Variants in RAB38 observed in about 807,000 individuals in gnomAD.
The protein encoded by RAB38 is RAB38, member RAS oncogene family, also known as ras-related protein Rab-38.
RAB38 carries 15 observed loss-of-function variants against 18.4 expected under a neutral mutation model. That is an observed-to-expected ratio of 0.82 (90% CI 0.55 to 1.26). RAB38 has a LOEUF of 1.26. RAB38 is among the 50% of genes most tolerant of loss of function. RAB38 has a pLI of 0.00. For synonymous variants in RAB38, 101 were observed against 104.4 expected, an observed-to-expected ratio of 0.97 and a Z score of 0.20; for missense variants, 294 against 267.4, an observed-to-expected ratio of 1.10 and a Z score of -0.69.
At chr11:87,937,847 T>G in the RAB38 span, among the ~76,000 whole-genome samples, 3 of 150,634 alleles carry the variant, frequency 2.0e-5, no homozygotes, top group Admixed American at 2.0e-4. Flanking sequence ...GTTTCAGGTA[T>G]GTTTGTAATT....
chr11:87,956,743 T>G, the RAB38 span, among the ~76,000 whole-genome samples: 1 of 152,076 alleles, frequency 6.6e-6, no homozygotes, highest in Non-Finnish European at 1.5e-5. Context: ...TTTTTTTTAA[T>G]CTACCTTAAC....
At chr11:87,816,154 C>T in the RAB38 span, 9 of 152,194 alleles carry the variant, frequency 5.9e-5, no homozygotes, top group Non-Finnish European at 1.3e-4. Flanking sequence ...ATATTTTGGT[C>T]ATTAGTGTTC....
At chr11:88,107,001 A>C in the RAB38 span, among the ~76,000 whole-genome samples, 2 of 152,088 alleles carry the variant, frequency 1.3e-5, no homozygotes, top group Non-Finnish European at 1.5e-5. Context: ...CACACTCTAA[A>C]ATTCCCTCCC....
the RAB38 span, among the ~76,000 whole-genome samples, chr11:87,932,054 T>C: frequency 2.0e-5 from 3 of 151,742 alleles, no homozygotes; most frequent in East Asian, 5.8e-4. Flanking sequence ...CAGTTCCAGG[T>C]CCCTAGGTTT....
At chr11:88,173,757 A>G (rs774827143) in intron 1 of RAB38, 8 of 985,194 alleles carry the variant, frequency 8.1e-6, no homozygotes, top group Non-Finnish European at 9.6e-6. Context: ...GGCTGATAAC[A>G]TTTTCTGTTC....
downstream of RAB38, among the ~76,000 whole-genome samples, chr11:88,108,251 C>T (rs1457719502): frequency 6.6e-6 from 1 of 151,966 alleles, no homozygotes; most frequent in Non-Finnish European, 1.5e-5. Flanking sequence ...TGTGTGGGAG[C>T]CTAAGTCTCT....
chr11:88,123,271 C>A (rs935359865), intron 2 of RAB38, among the ~76,000 whole-genome samples: 2 of 152,118 alleles, frequency 1.3e-5, no homozygotes, highest in Non-Finnish European at 2.9e-5. Flanking sequence ...AGTTTCATTG[C>A]CCCATCCTGG....
At chr11:87,939,593 C>T in the RAB38 span, among the ~76,000 whole-genome samples, 1 of 152,066 alleles carries the variant, frequency 6.6e-6, no homozygotes, top group Admixed American at 6.6e-5. Flanking sequence ...CATGGTGACT[C>T]ACGCCTGTAA....
chr11:88,021,597 T>C, the RAB38 span, among the ~76,000 whole-genome samples: 1 of 66,676 alleles, frequency 1.5e-5, no homozygotes, highest in Non-Finnish European at 3.1e-5. Context: ...TATTTATTTA[T>C]TTATTTATTT....
the RAB38 span, among the ~76,000 whole-genome samples, chr11:87,844,862 A>AT: frequency 6.6e-6 from 1 of 152,178 alleles, no homozygotes; most frequent in Non-Finnish European, 1.5e-5. Context: ...CTGAACTGAG[A>AT]TTTGAATCAC....
the RAB38 span, among the ~76,000 whole-genome samples, chr11:87,812,638 G>A: frequency 6.6e-6 from 1 of 152,168 alleles, no homozygotes; most frequent in Non-Finnish European, 1.5e-5. Flanking sequence ...TGACTCTTAA[G>A]CAGATTTACT....
At chr11:88,053,173 T>A in the RAB38 span, among the ~76,000 whole-genome samples, 1 of 114,828 alleles carries the variant, frequency 8.7e-6, no homozygotes, top group Non-Finnish European at 1.7e-5. Context: ...CACATATATA[T>A]GGAATATATA....
chr11:87,946,873 C>A, the RAB38 span, among the ~76,000 whole-genome samples: 21 of 152,202 alleles, frequency 1.4e-4, no homozygotes, highest in Non-Finnish European at 1.6e-4. Context: ...GTCTTTATAG[C>A]AGCATGATTT....
chr11:87,843,821 A>G, the RAB38 span, among the ~76,000 whole-genome samples: 1 of 152,202 alleles, frequency 6.6e-6, no homozygotes, highest in Admixed American at 6.5e-5. Context: ...TATGACTGAA[A>G]AAGAAAATCT....
chr11:87,932,724 A>G, the RAB38 span, among the ~76,000 whole-genome samples: 1 of 152,182 alleles, frequency 6.6e-6, no homozygotes, highest in East Asian at 1.9e-4. Context: ...CCTTTTGTGT[A>G]AGTACAGCTG....
At chr11:88,173,982 GA>G in intron 1 of RAB38, 2 of 985,398 alleles carry the variant, frequency 2.0e-6, no homozygotes, top group Non-Finnish European at 2.4e-6. Context: ...CAGCTAAAAT[GA>G]ATCCATTTTC....
chr11:88,080,176 A>G, the RAB38 span, among the ~76,000 whole-genome samples: 98,324 of 151,458 alleles, frequency 0.65, 32,530 homozygotes, highest in African/African-American at 0.77. Flanking sequence ...CTACAAGTAA[A>G]GAGTGAGCTT....
the RAB38 span, among the ~76,000 whole-genome samples, chr11:87,914,603 A>G: frequency 1.3e-3 from 195 of 152,274 alleles, no homozygotes; most frequent in African/African-American, 4.6e-3. Flanking sequence ...AGAGAATGAA[A>G]AAGTGTTTTC....
chr11:87,940,023 T>C, the RAB38 span, among the ~76,000 whole-genome samples: 1 of 151,558 alleles, frequency 6.6e-6, no homozygotes, highest in Non-Finnish European at 1.5e-5. Context: ...ATAAAATAAA[T>C]TGAAAAACCA....
Sources: allele counts gnomAD v4.1 joint callset (sites outside exome capture counted in the v4.1 genomes callset), GRCh38; gene constraint gnomAD v4.1.1; transcripts MANE v1.5; gene names NCBI Gene and HGNC (gene_info 2026-07-23, HGNC 2026-07-21).